ALOXE3: variants seen among roughly 807,000 people sequenced by gnomAD.
ALOXE3 encodes arachidonate epidermal lipoxygenase 3.
ALOXE3 carries 78 observed loss-of-function variants against 87.5 expected under a neutral mutation model. The ratio of observed to expected loss-of-function variants is 0.89; its 90% confidence interval spans 0.74 to 1.08. The LOEUF (loss-of-function observed/expected upper bound fraction) is 1.08. Ranked by LOEUF, ALOXE3 falls within the 50% of genes least tolerant of loss-of-function variation. The pLI, the probability that ALOXE3 is intolerant of heterozygous loss-of-function variation, is 0.00. For missense variants in ALOXE3, 946 were observed against 912.4 expected (o/e 1.04, Z -0.47); for synonymous variants, 363 against 370.8 (o/e 0.98, Z 0.24).
chr17:8,114,896 A>G (rs1473201125), intron 5 of ALOXE3, 42 bp downstream of exon 5: 7 of 1,613,160 alleles, frequency 4.3e-6, no homozygotes, highest in Non-Finnish European at 5.9e-6. Flanking sequence ...CAGACCTTCC[A>G]CTTGACTTCC....
In ALOXE3 at chr17:8,103,490, C is replaced by T. The variant is rs1279164495; in HGVS notation, c.1789G>A (p.Asp597Asn). The T allele has an allele frequency of 1.2e-6, 2 of 1,613,868 alleles. No homozygotes were observed. Among genetic ancestry groups the T allele is most frequent in the Non-Finnish European group, 1.7e-6 (2 of 1,180,014 alleles). Reference sequence around the variant, plus strand: ...GCATTGGGCATCCAGGCCCCAAAGTCATGCTGTGGAGACCCCCATCCCAGT... The same window carrying T: ...GCATTGGGCATCCAGGCCCCAAAGTTATGCTGTGGAGACCCCCATCCCAGT... ...QHAAVNSGQH[D>N]FGAWMPNAPS... Residue 597 changes from aspartate (D) to asparagine (N), a missense_variant, in exon 15 of 16, where the codon GAC becomes AAC. Coordinates refer to ENST00000448843, the MANE Select transcript of ALOXE3 (RefSeq NM_021628.3).
In ALOXE3 at chr17:8,117,974, A is replaced by G. The variant is rs1158146028; in HGVS notation, c.17T>C (p.Leu6Pro). The G allele has an allele frequency of 1.2e-6, 2 of 1,611,748 alleles. No individual in the cohort carries two copies. The highest frequency in any genetic ancestry group is 3.3e-5 in the Admixed American group (2 of 59,882). ...CAGGTAGGGACCAGTGGTCACACAC[A>G]GGCGGTACACTGCCATGATGGGAAG... MAVYR[L>P]CVTTGPYLRA... The change falls in exon 2 of 16, where the codon CTG (leucine) becomes CCG (proline). Residue 6 changes from leucine to proline, a missense_variant. Leu to Pro is a moderately conservative substitution (Grantham distance 98). Coordinates refer to ENST00000448843, the MANE Select transcript of ALOXE3 (RefSeq NM_021628.3).
intron 8 of ALOXE3, among the ~76,000 whole-genome samples, chr17:8,111,108 T>C (rs1193918473): frequency 6.6e-6 from 1 of 152,210 alleles, no homozygotes; most frequent in Non-Finnish European, 1.5e-5. Flanking sequence ...AAGATGTCCC[T>C]GCAGCCACCC....
Position 8,109,904 on chromosome 17 carries a change from G to A in ALOXE3, c.1392+12C>T. The A allele has an allele frequency of 6.5e-7, 1 of 1,548,362 alleles. No individual in the cohort carries two copies. Among genetic ancestry groups the A allele is most frequent in the Non-Finnish European group, 8.7e-7 (1 of 1,145,760 alleles). Reference sequence around the variant, plus strand: ...GGGGGCGGAGATCAGTGACCCGGCAGGGAGGCCGCACCTGGTCCACGAGGC... The same window carrying A: ...GGGGGCGGAGATCAGTGACCCGGCAAGGAGGCCGCACCTGGTCCACGAGGC... On this transcript the variant is annotated intron_variant, in intron 11 of 15. Transcript: ENST00000448843.
intron 5 of ALOXE3, 42 bp downstream of exon 5, chr17:8,114,896 A>C: frequency 1.2e-6 from 2 of 1,613,160 alleles, no homozygotes; most frequent in Non-Finnish European, 1.7e-6. Context: ...CAGACCTTCC[A>C]CTTGACTTCC....
chr17:8,103,578 C>A (rs1299428690), intron 14 of ALOXE3, 85 bp from the exon 15 acceptor site: 2 of 1,438,166 alleles, frequency 1.4e-6, no homozygotes, highest in East Asian at 2.4e-5. Context: ...TCCACCTCTG[C>A]CGTCCTAGAG....
Position 8,116,898 on chromosome 17 carries a change from A to G in ALOXE3, c.230T>C (p.Phe77Ser), listed in dbSNP as rs757192966. ...LRVHKERYAF[F>S]RKDSWYCSRI... ...GCTACAGTACCAAGAGTCCTTGCGG[A>G]AGAAAGCGTAGCGCTCCTTGTGTAC... Residue 77 changes from phenylalanine (F) to serine (S), a missense_variant, in exon 3 of 16, where the codon TTC becomes TCC. Transcript: ENST00000448843. 2 of 1,614,232 alleles carry G rather than the reference A, an allele frequency of 1.2e-6. No individual in the cohort carries two copies. The highest frequency in any genetic ancestry group is 2.2e-5 in the South Asian group (2 of 91,088).
At chr17:8,102,393 T>G (rs942049617) in intron 15 of ALOXE3, among the ~76,000 whole-genome samples, 1 of 152,058 alleles carries the variant, frequency 6.6e-6, no homozygotes, top group Non-Finnish European at 1.5e-5. Context: ...CTCGGGAGGC[T>G]GAGGCAGGAG....
At chr17:8,107,726 G>A (rs1405199771) in intron 13 of ALOXE3, among the ~76,000 whole-genome samples, 1 of 150,728 alleles carries the variant, frequency 6.6e-6, no homozygotes, top group Non-Finnish European at 1.5e-5. Flanking sequence ...GTGAACCCGG[G>A]AGGCGGAGCT....
At chr17:8,115,827 C>A (rs958126238) in intron 3 of ALOXE3, 139 bp from the exon 4 acceptor site, 3 of 786,620 alleles carry the variant, frequency 3.8e-6, no homozygotes, top group Non-Finnish European at 4.4e-6. Context: ...CCCCCACGTT[C>A]TTTGTGTATT....
At chr17:8,104,009 C>A in intron 14 of ALOXE3, 106 bp downstream of exon 14, 3 of 976,928 alleles carry the variant, frequency 3.1e-6, no homozygotes, top group East Asian at 2.6e-5. Flanking sequence ...CAAGTCTAAT[C>A]ATAAACCCAC....
At chr17:8,109,370 C>T (rs772097833) in intron 11 of ALOXE3, 27 bp from the exon 12 acceptor site, 3 of 1,609,656 alleles carry the variant, frequency 1.9e-6, no homozygotes, top group African/African-American at 2.7e-5. Flanking sequence ...GCTCGGCTCC[C>T]GGGCCGGCCC....
At chr17:8,099,972 G>A (rs1264291686) in intron 15 of ALOXE3, among the ~76,000 whole-genome samples, 1 of 151,690 alleles carries the variant, frequency 6.6e-6, no homozygotes, top group Non-Finnish European at 1.5e-5. Flanking sequence ...AGGCTGGGGT[G>A]AGAGAATTTC....
intron 8 of ALOXE3, among the ~76,000 whole-genome samples, chr17:8,111,116 C>G (rs1282377672): frequency 1.3e-5 from 2 of 152,232 alleles, no homozygotes; most frequent in Admixed American, 1.3e-4. Flanking sequence ...CCTGCAGCCA[C>G]CCTGCGCGTT....
chr17:8,112,434 C>T (rs1980178567), intron 6 of ALOXE3, among the ~76,000 whole-genome samples: 1 of 152,198 alleles, frequency 6.6e-6, no homozygotes, highest in Non-Finnish European at 1.5e-5. Flanking sequence ...AGTTGGCACA[C>T]ACGGCCCTAT....
rs1473975888 is a variant in ALOXE3, at chr17:8,118,065, C to G, written c.-75G>C. On this transcript the variant is annotated 5_prime_UTR_variant, in exon 2 of 16. Coordinates refer to ENST00000448843, the MANE Select transcript of ALOXE3 (RefSeq NM_021628.3). ...CGGCCTGGAGGAGAAGAGCGGCACG[C>G]CGGACAGGGCTGGGTTTCTGGGCGG... The G allele has an allele frequency of 3.2e-6, 5 of 1,577,032 alleles. No homozygotes were observed. The highest frequency in any genetic ancestry group is 1.2e-5 in the South Asian group (1 of 86,788).
rs141813721 is a variant in ALOXE3 at position 8,098,154 on chromosome 17, T to C, written c.1957-1348A>G. On this transcript the variant is annotated intron_variant, in intron 15 of 15. Coordinates refer to ENST00000448843, the MANE Select transcript of ALOXE3 (RefSeq NM_021628.3). The stretch of plus-strand genomic sequence containing the variant: ...TAATAGTGGGCATTGGGCATTATTT[T>C]CTTATCTCTGACTTTAATGAATAGA... Among the ~76,000 whole-genome samples the C allele has an allele frequency of 1.1e-4, 16 of 152,290 alleles. 1 individual carries two copies. The East Asian group carries it at 3.1e-3, about 29-fold the overall frequency.
At position 8,117,703 on chromosome 17, in the gene ALOXE3, AG is replaced by A. The variant is rs1980719921; in HGVS notation, c.147+140del. 3 of 1,499,368 alleles carry A rather than the reference AG, an allele frequency of 2.0e-6. No individual in the cohort carries two copies. In the African/African-American group the frequency reaches 4.2e-5, roughly 21 times the overall value. The allele number at this position is 1,499,368 out of a possible 1,614,324, so 92.9% of individuals were successfully genotyped here. On this transcript the variant is annotated intron_variant, in intron 2 of 15. Transcript: ENST00000448843. Reference sequence around the variant, plus strand: ...GGAGTTCATCATCTCCAGGAAAGACAGGGACCTCAATAGGGAAGGTGAGGAG... The same window carrying A: ...GGAGTTCATCATCTCCAGGAAAGACAGGACCTCAATAGGGAAGGTGAGGAG...
chr17:8,111,677 T>A, intron 7 of ALOXE3, 146 bp from the exon 8 acceptor site: 1 of 803,758 alleles, frequency 1.2e-6, no homozygotes, highest in Non-Finnish European at 2.1e-6. Context: ...AATTTAATAC[T>A]AGACACTAAG....
Sources: gnomAD v4.1 joint callset for allele counts (sites outside exome capture counted in the v4.1 genomes callset) on GRCh38, gnomAD v4.1.1 for gene constraint, MANE v1.5 for transcripts, NCBI Gene and HGNC (gene_info 2026-07-23, HGNC 2026-07-21) for gene names.